MAF: variants seen among roughly 807,000 people sequenced by gnomAD.
MAF encodes the protein MAF bZIP transcription factor.
A neutral mutation model predicts 22.0 loss-of-function variants in MAF; 10 were observed. The ratio of observed to expected loss-of-function variants is 0.45; its 90% CI spans 0.28 to 0.77. MAF has a LOEUF of 0.77. MAF is among the 30% of genes least tolerant of loss of function. The probability of loss-of-function intolerance (pLI) is 0.12; values close to 1 mark genes in which losing one functional copy is unlikely to be tolerated. For missense variants in MAF, 544 were observed against 548.4 expected (o/e 0.99, Z 0.08); for synonymous variants, 337 against 255.8 (o/e 1.32, Z -3.03).
At chr16:79,290,352 T>G in the MAF span, among the ~76,000 whole-genome samples, 1 of 152,190 alleles carries the variant, frequency 6.6e-6, no homozygotes, top group Non-Finnish European at 1.5e-5. Flanking sequence ...CTGCGGCAAA[T>G]TATCTTTCCC....
At chr16:79,465,060 C>T in the MAF span, among the ~76,000 whole-genome samples, 1 of 152,110 alleles carries the variant, frequency 6.6e-6, no homozygotes, top group African/African-American at 2.4e-5. Context: ...GGACCAACAG[C>T]CACCAGGGAG....
chr16:79,554,426 G>A, the MAF span, among the ~76,000 whole-genome samples: 1 of 152,216 alleles, frequency 6.6e-6, no homozygotes, highest in South Asian at 2.1e-4. Flanking sequence ...TGCTGAGACA[G>A]AGGAAAAGAC....
chr16:79,354,216 G>A, the MAF span, among the ~76,000 whole-genome samples: 1 of 151,864 alleles, frequency 6.6e-6, no homozygotes, highest in Non-Finnish European at 1.5e-5. Flanking sequence ...TGCTCTCAAA[G>A]TCCTGGCTCA....
At chr16:79,331,940 G>A in the MAF span, among the ~76,000 whole-genome samples, 4 of 152,110 alleles carry the variant, frequency 2.6e-5, no homozygotes, top group South Asian at 2.1e-4. Context: ...TCATTCACTC[G>A]ACTTTATTTT....
chr16:79,558,503 T>C, the MAF span, among the ~76,000 whole-genome samples: 1 of 152,184 alleles, frequency 6.6e-6, no homozygotes, highest in African/African-American at 2.4e-5. Context: ...TTGGCACTGA[T>C]TTATATTATT....
chr16:79,420,417 C>G, the MAF span, among the ~76,000 whole-genome samples: 1 of 152,194 alleles, frequency 6.6e-6, no homozygotes. Flanking sequence ...GCCAAAAAAA[C>G]AAGATCAGAA....
chr16:79,212,356 C>T, the MAF span: 1 of 592,716 alleles, frequency 1.7e-6, no homozygotes. Flanking sequence ...CAGTGACACC[C>T]AGAGGGAGTA....
At chr16:79,459,179 G>T in the MAF span, among the ~76,000 whole-genome samples, 3 of 152,276 alleles carry the variant, frequency 2.0e-5, no homozygotes, top group Non-Finnish European at 2.9e-5. Context: ...GTCAACTACA[G>T]ATTTGTCTCA....
At chr16:79,418,273 C>G in the MAF span, among the ~76,000 whole-genome samples, 1 of 152,000 alleles carries the variant, frequency 6.6e-6, no homozygotes, top group African/African-American at 2.4e-5. Flanking sequence ...AATAAATAGG[C>G]ATTTCTCATT....
chr16:79,415,563 C>G, the MAF span, among the ~76,000 whole-genome samples: 7 of 152,150 alleles, frequency 4.6e-5, no homozygotes, highest in African/African-American at 1.7e-4. Context: ...TGCTGCCTTG[C>G]TCAGTGTGGT....
the MAF span, among the ~76,000 whole-genome samples, chr16:79,455,595 C>G: frequency 6.6e-6 from 1 of 152,134 alleles, no homozygotes. Context: ...TTTTTTCTCC[C>G]ATCTTAATGG....
At chr16:79,261,438 C>T in the MAF span, among the ~76,000 whole-genome samples, 8 of 152,256 alleles carry the variant, frequency 5.3e-5, no homozygotes, top group African/African-American at 1.9e-4. Context: ...CGGGCATGAG[C>T]CACCACGCCT....
At chr16:79,587,126 C>A (rs11858998) in intron 1 of MAF, among the ~76,000 whole-genome samples, 10,832 of 152,266 alleles carry the variant, frequency 0.071, 446 homozygotes, top group Middle Eastern at 0.13. Context: ...ACTATGCCCA[C>A]AGCACTCGGA....
chr16:79,399,473 G>C, the MAF span, among the ~76,000 whole-genome samples: 1 of 152,166 alleles, frequency 6.6e-6, no homozygotes, highest in African/African-American at 2.4e-5. Flanking sequence ...CCATAATTTA[G>C]GTGATAATAC....
At chr16:79,228,664 TAGAGGAAA>T in the MAF span, among the ~76,000 whole-genome samples, 3 of 152,160 alleles carry the variant, frequency 2.0e-5, no homozygotes, top group Middle Eastern at 3.4e-3. Flanking sequence ...GCATGAAAGA[TAGAGGAAA>T]AGAGCTCTCT....
chr16:79,467,045 G>C, the MAF span, among the ~76,000 whole-genome samples: 66 of 152,150 alleles, frequency 4.3e-4, no homozygotes, highest in Non-Finnish European at 7.3e-4. Flanking sequence ...AAACTGGAAA[G>C]ATCTTTTCAA....
At chr16:79,576,294 G>A in the MAF span, among the ~76,000 whole-genome samples, 18 of 143,720 alleles carry the variant, frequency 1.3e-4, no homozygotes, top group African/African-American at 3.6e-4. Context: ...TTTCAAAAGT[G>A]CCCCATACAA....
At chr16:79,493,775 C>T in the MAF span, among the ~76,000 whole-genome samples, 2 of 152,150 alleles carry the variant, frequency 1.3e-5, no homozygotes, top group Non-Finnish European at 2.9e-5. Flanking sequence ...ATTTTCTTTG[C>T]TGGAAAGAAG....
the MAF span, among the ~76,000 whole-genome samples, chr16:79,403,137 G>A: frequency 2.0e-4 from 31 of 152,140 alleles, no homozygotes; most frequent in African/African-American, 6.3e-4. Flanking sequence ...AATGCCTCGT[G>A]ACATCATCGC....
Sources: allele counts gnomAD v4.1 joint callset (sites outside exome capture counted in the v4.1 genomes callset), GRCh38; gene constraint gnomAD v4.1.1; transcripts MANE v1.5; gene names NCBI Gene and HGNC (gene_info 2026-07-23, HGNC 2026-07-21).